The following SH2D3C variants were observed in gnomAD, a reference collection of about 807,000 sequenced individuals.
The protein encoded by SH2D3C is SH2 domain-containing protein 3C.
A neutral mutation model predicts 75.2 loss-of-function variants in SH2D3C; 25 were observed. That is an observed-to-expected ratio of 0.33 (90% CI 0.24 to 0.46). The LOEUF is 0.46. Among genes scored for constraint, SH2D3C ranks in the 20% least tolerant of loss-of-function variants. The pLI is 1.00. For synonymous variants in SH2D3C, 450 were observed against 473.7 expected (o/e 0.95, Z 0.65); for missense variants, 933 against 1,165.3 (o/e 0.80, Z 2.90).
intron 3 of SH2D3C, among the ~76,000 whole-genome samples, chr9:127,757,976 TA>T (rs1426438785): frequency 6.6e-6 from 1 of 152,002 alleles, no homozygotes; most frequent in East Asian, 1.9e-4. Flanking sequence ...TTTGTATTTT[TA>T]ATAGAGGGTT....
At chr9:127,762,658 T>G (rs1845557541) in intron 2 of SH2D3C, among the ~76,000 whole-genome samples, 1 of 152,176 alleles carries the variant, frequency 6.6e-6, no homozygotes. Flanking sequence ...GGGGCCACCC[T>G]CGTGTCTCCA....
intron 2 of SH2D3C, among the ~76,000 whole-genome samples, chr9:127,772,239 C>CT (rs68153880): frequency 0.023 from 2,772 of 120,440 alleles, 48 homozygotes; most frequent in Middle Eastern, 0.031. Flanking sequence ...GCTCAGGTGG[C>CT]TTTTTTTTTT....
intron 2 of SH2D3C, among the ~76,000 whole-genome samples, chr9:127,773,105 C>G (rs1055266149): frequency 6.6e-6 from 1 of 152,176 alleles, no homozygotes; most frequent in African/African-American, 2.4e-5. Context: ...CCACTGCACC[C>G]AGCCTTAATG....
chr9:127,755,069 G>T, intron 3 of SH2D3C: 1 of 1,191,316 alleles, frequency 8.4e-7, no homozygotes, highest in Non-Finnish European at 1.0e-6. Flanking sequence ...GGGCCGAGCC[G>T]CCCCCTCACC....
intron 3 of SH2D3C, among the ~76,000 whole-genome samples, chr9:127,759,039 T>A (rs1845462454): frequency 6.6e-6 from 1 of 152,210 alleles, no homozygotes; most frequent in Admixed American, 6.5e-5. Flanking sequence ...GGCCACGGGC[T>A]CACTGAAGCC....
chr9:127,778,459 CA>C, intron 1 of SH2D3C, 131 bp downstream of exon 1: 1 of 819,898 alleles, frequency 1.2e-6, no homozygotes, highest in Non-Finnish European at 2.1e-6. Flanking sequence ...TGTCCAAAAG[CA>C]AAAAACAAAA....
intron 2 of SH2D3C, chr9:127,767,242 C>G (rs1430747122): frequency 6.8e-7 from 1 of 1,473,842 alleles, no homozygotes; most frequent in Non-Finnish European, 9.0e-7. Flanking sequence ...GGATGCTGGG[C>G]CCTGACAGCT....
intron 6 of SH2D3C, among the ~76,000 whole-genome samples, chr9:127,746,144 T>C (rs1845023153): frequency 1.3e-5 from 2 of 152,240 alleles, no homozygotes; most frequent in South Asian, 4.1e-4. Context: ...TAAGTCATTC[T>C]GGCAAGGAAT....
chr9:127,773,420 C>T (rs1284347800), intron 2 of SH2D3C, among the ~76,000 whole-genome samples: 2 of 152,164 alleles, frequency 1.3e-5, no homozygotes, highest in Non-Finnish European at 2.9e-5. Context: ...CAGGGGGTCT[C>T]GGTTCACATG....
rs1034755789 is a variant in SH2D3C, at chr9:127,774,675, C to G, written c.38-208G>C. Among the ~76,000 whole-genome samples the G allele has an allele frequency of 1.2e-4, 19 of 152,182 alleles. No individual in the cohort carries two copies. The highest frequency in any genetic ancestry group is 4.6e-4 in the African/African-American group (19 of 41,448). ...GGGGCCCTGGACTTGAATTCCTGCT[C>G]TTTCACATCCTAGCTGTGTGACCTT... On this transcript the variant is annotated intron_variant, in intron 1 of 11. Transcript: ENST00000314830. The surrounding 1 kb of genome is among the most constrained non-coding windows in gnomAD (Gnocchi z 4.3).
At chr9:127,744,253 T>C (rs1844955351) in intron 7 of SH2D3C, among the ~76,000 whole-genome samples, 1 of 151,940 alleles carries the variant, frequency 6.6e-6, no homozygotes, top group Non-Finnish European at 1.5e-5. Context: ...GTATTTTTAG[T>C]AGAGACGGGG....
chr9:127,774,166 G>A lies in SH2D3C; in HGVS notation c.339C>T (p.Asp113=), dbSNP rs748265054. The A allele has an allele frequency of 3.7e-6, 6 of 1,614,066 alleles. No homozygotes were observed. The East Asian group carries it at 1.1e-4, about 30-fold the overall frequency. ...CTTTGGCTGCCTCCAAGCCTGGGGGGTCGGGTACACCTCCGGGTACCAAGT... is the reference window on the plus strand; with the variant it reads ...CTTTGGCTGCCTCCAAGCCTGGGGGATCGGGTACACCTCCGGGTACCAAGT... ...KPNLVPGGVP[D]PPGLEAAKEV... The change falls in exon 2 of 12, where the codon GAC becomes GAT. Residue 113 remains aspartate, a synonymous_variant. Transcript: ENST00000314830. This position sits in a 1 kb window ranked among gnomAD's most constrained non-coding sequence, Gnocchi z 4.3.
Position 127,749,711 on chromosome 9 carries a change from G to T in SH2D3C, c.685-46C>A. 7.6e-7 allele frequency: 1 copy of T among 1,309,114 alleles called. No individual in the cohort carries two copies. The highest frequency in any genetic ancestry group is 1.1e-6 in the Non-Finnish European group (1 of 941,250). 81.1% of individuals were successfully genotyped at this position (1,309,114 alleles called of 1,614,324 possible). A position where few individuals can be genotyped will look rare whatever the true frequency, so the allele number is the denominator to read the frequency against. On this transcript the variant is annotated intron_variant, in intron 4 of 11. Coordinates refer to ENST00000314830, the MANE Select transcript of SH2D3C (RefSeq NM_170600.3). The surrounding 1 kb of genome is among the most constrained non-coding windows in gnomAD (Gnocchi z 5.9). ...CTGGAGTAGGGTGGGGCCAGGAGAG[G>T]GTCAGACCCAGGATCTGGGGGACAG... is the stretch of plus-strand genomic sequence containing the variant.
intron 6 of SH2D3C, among the ~76,000 whole-genome samples, chr9:127,746,247 C>T (rs1288893970): frequency 6.6e-6 from 1 of 152,176 alleles, no homozygotes; most frequent in Non-Finnish European, 1.5e-5. Context: ...TTTGTGACAA[C>T]CGATACAGAC....
In SH2D3C at chr9:127,751,952, A is replaced by T. The variant is rs1845214752; in HGVS notation, c.556-652T>A. Among the ~76,000 whole-genome samples, 1 of 152,178 alleles carries T rather than the reference A, an allele frequency of 6.6e-6. No individual in the cohort carries two copies. Among genetic ancestry groups the T allele is most frequent in the Admixed American group, 6.5e-5 (1 of 15,280 alleles). The stretch of plus-strand genomic sequence containing the variant: ...ACAGGGACACGGGGACCCCAAACAG[A>T]CATCTGCATTGCCCCTTACAATTTC... On this transcript the variant is annotated intron_variant, in intron 3 of 11. Coordinates refer to ENST00000314830, the MANE Select transcript of SH2D3C (RefSeq NM_170600.3). The surrounding 1 kb of genome is among the most constrained non-coding windows in gnomAD (Gnocchi z 4.1).
rs769325057 is a variant in SH2D3C at position 127,747,167 on chromosome 9, C to G, written c.1244G>C (p.Ser415Thr). The G allele has an allele frequency of 3.7e-6, 6 of 1,613,864 alleles. No homozygotes were observed. In the African/African-American group the frequency reaches 4.0e-5, roughly 11 times the overall value. Residue 415 changes from serine (S) to threonine (T), a missense_variant, in exon 6 of 12, where the codon AGC (serine) becomes ACC (threonine). Physicochemically the swap from Ser to Thr is moderately conservative, Grantham distance 58 (BLOSUM62 1). Coordinates refer to ENST00000314830, the MANE Select transcript of SH2D3C (RefSeq NM_170600.3). ...CATACCAGTGCTGTAGGCAGGGGAGCTAGGGCTCTCGGAGATGGGCGACAT... is the reference window on the plus strand; with the variant it reads ...CATACCAGTGCTGTAGGCAGGGGAGGTAGGGCTCTCGGAGATGGGCGACAT... ...SPMSPISESP[S>T]SPAYSTVTRV...
At position 127,741,759 on chromosome 9, in the gene SH2D3C, G is replaced by A. The variant is rs773605075; in HGVS notation, c.2088+29C>T. The A allele has an allele frequency of 7.5e-6, 12 of 1,608,070 alleles. No homozygotes were observed. In the South Asian group the frequency reaches 1.3e-4, roughly 18 times the overall value. ...CCAGGGCTCTTCCAGACAGTCTACC[G>A]GGTGCCAGCTCTGCGCGGCTCTCAG... On this transcript the variant is annotated intron_variant, in intron 9 of 11. Transcript: ENST00000314830.
At chr9:127,748,222 C>CCT (rs1168441758) in intron 5 of SH2D3C, among the ~76,000 whole-genome samples, 2 of 152,124 alleles carry the variant, frequency 1.3e-5, no homozygotes, top group Non-Finnish European at 2.9e-5. Context: ...ACCATCCCAA[C>CCT]CTCTCCTCAC....
chr9:127,777,728 G>A (rs993220108), intron 1 of SH2D3C, among the ~76,000 whole-genome samples: 6 of 152,090 alleles, frequency 3.9e-5, no homozygotes, highest in African/African-American at 9.7e-5. Context: ...ACAAAGAGAC[G>A]GATAAAGAGA....
Sources: gnomAD v4.1 joint callset for allele counts (sites outside exome capture counted in the v4.1 genomes callset) on GRCh38, gnomAD v4.1.1 for gene constraint, Gnocchi (gnomAD v3.1) non-coding constraint, MANE v1.5 for transcripts, NCBI Gene and HGNC (gene_info 2026-07-23, HGNC 2026-07-21) for gene names.